Variants in RIT2 observed in about 807,000 individuals in gnomAD.
The protein encoded by RIT2 is Ras like without CAAX 2.
A neutral mutation model predicts 23.7 loss-of-function variants in RIT2; 24 were observed. The observed-to-expected ratio is 1.01, with a 90% confidence interval of 0.73 to 1.43. The LOEUF is 1.43. RIT2 is among the 40% of genes most tolerant of loss of function. The pLI, the probability that RIT2 is intolerant of heterozygous loss-of-function variation, is 0.00. For synonymous variants in RIT2, 107 were observed against 91.1 expected (o/e 1.17, Z -0.99); for missense variants, 236 against 266.9 (o/e 0.88, Z 0.81).
chr18:43,054,466 T>C (rs546369512), intron 1 of RIT2, among the ~76,000 whole-genome samples: 9 of 152,212 alleles, frequency 5.9e-5, no homozygotes, highest in Non-Finnish European at 1.2e-4. Context: ...AGGTGGTCTA[T>C]ATGGACTCAA....
At chr18:42,936,272 T>C (rs1450823125) in intron 3 of RIT2, among the ~76,000 whole-genome samples, 1 of 152,168 alleles carries the variant, frequency 6.6e-6, no homozygotes, top group Non-Finnish European at 1.5e-5. Context: ...ACAAACATTC[T>C]GTATCACAGT....
chr18:42,795,062 G>A (rs571856458), intron 4 of RIT2, among the ~76,000 whole-genome samples: 184 of 152,194 alleles, frequency 1.2e-3, no homozygotes, highest in Non-Finnish European at 2.4e-3. Context: ...GCTCCTGGTC[G>A]CACTGAGAGG....
intron 2 of RIT2, among the ~76,000 whole-genome samples, chr18:42,976,849 A>C (rs1258707175): frequency 6.6e-6 from 1 of 152,076 alleles, no homozygotes; most frequent in Non-Finnish European, 1.5e-5. Flanking sequence ...AATTCAGGTG[A>C]GAAATAATGT....
At chr18:42,935,151 G>C (rs1376271496) in intron 3 of RIT2, among the ~76,000 whole-genome samples, 1 of 152,126 alleles carries the variant, frequency 6.6e-6, no homozygotes, top group African/African-American at 2.4e-5. Flanking sequence ...ATCAGTTACT[G>C]CCTTTACCAC....
intron 4 of RIT2, among the ~76,000 whole-genome samples, chr18:42,778,688 C>A (rs982163273): frequency 1.0e-4 from 8 of 77,052 alleles, no homozygotes; most frequent in African/African-American, 2.3e-4. Flanking sequence ...TGCCTGTATC[C>A]TTTCTCGAGT....
chr18:42,934,225 C>G (rs563154117), intron 3 of RIT2, among the ~76,000 whole-genome samples: 2 of 152,000 alleles, frequency 1.3e-5, no homozygotes, highest in Non-Finnish European at 2.9e-5. Context: ...AGTAACTGTG[C>G]TCAATCAAAT....
chr18:42,896,055 G>A (rs1908320404), intron 4 of RIT2, among the ~76,000 whole-genome samples: 1 of 152,196 alleles, frequency 6.6e-6, no homozygotes, highest in African/African-American at 2.4e-5. Flanking sequence ...CCTGAGGTCA[G>A]GAGTTCGAGA....
intron 1 of RIT2, among the ~76,000 whole-genome samples, chr18:43,048,584 A>G (rs1466393026): frequency 6.6e-6 from 1 of 152,206 alleles, no homozygotes. Context: ...AAGTGAAACA[A>G]TATATGTAAA....
intron 4 of RIT2, among the ~76,000 whole-genome samples, chr18:42,809,786 C>T (rs1202012823): frequency 6.9e-6 from 1 of 144,960 alleles, no homozygotes; most frequent in East Asian, 2.0e-4. Flanking sequence ...GATAAATATC[C>T]CAAGTAAACT....
At chr18:42,987,364 G>C (rs576687211) in intron 2 of RIT2, among the ~76,000 whole-genome samples, 1 of 152,182 alleles carries the variant, frequency 6.6e-6, no homozygotes, top group Admixed American at 6.5e-5. Flanking sequence ...CATTGCCATG[G>C]GAAAAATATT....
intron 4 of RIT2, among the ~76,000 whole-genome samples, chr18:42,841,121 G>A (rs1475921669): frequency 2.0e-5 from 3 of 152,154 alleles, no homozygotes; most frequent in East Asian, 3.9e-4. Context: ...GAAAGAAAAT[G>A]AGAAAGAATG....
chr18:42,967,690 C>T (rs933124316), intron 3 of RIT2, among the ~76,000 whole-genome samples: 1 of 151,056 alleles, frequency 6.6e-6, no homozygotes, highest in Admixed American at 6.6e-5. Context: ...CACACCTGGC[C>T]AAAAGTTTTT....
chr18:42,837,101 G>GAATATCAT (rs1054554502), intron 4 of RIT2, among the ~76,000 whole-genome samples: 5 of 136,570 alleles, frequency 3.7e-5, no homozygotes, highest in African/African-American at 1.1e-4. Flanking sequence ...TTATGCCCTT[G>GAATATCAT]AATATCATAG....
At chr18:43,035,048 G>A (rs1202783509) in intron 1 of RIT2, among the ~76,000 whole-genome samples, 1 of 152,160 alleles carries the variant, frequency 6.6e-6, no homozygotes, top group Non-Finnish European at 1.5e-5. Context: ...GCTTTAACTA[G>A]TGTCCAGCTC....
At chr18:43,025,795 T>C (rs1449450523) in intron 2 of RIT2, among the ~76,000 whole-genome samples, 1 of 151,930 alleles carries the variant, frequency 6.6e-6, no homozygotes, top group Non-Finnish European at 1.5e-5. Context: ...CACATGAACA[T>C]AAAGAGTGTG....
At chr18:42,774,766 G>A (rs1266279100) in intron 4 of RIT2, among the ~76,000 whole-genome samples, 4 of 151,472 alleles carry the variant, frequency 2.6e-5, no homozygotes, top group Non-Finnish European at 1.5e-5. Context: ...TCTTATCTTA[G>A]TTTTCCCAAA....
chr18:42,871,859 C>T (rs993015512), intron 4 of RIT2, among the ~76,000 whole-genome samples: 1 of 152,124 alleles, frequency 6.6e-6, no homozygotes, highest in African/African-American at 2.4e-5. Flanking sequence ...CTCTAAGTAA[C>T]AAGACTTATT....
chr18:43,102,612 G>T (rs185582336), intron 1 of RIT2, among the ~76,000 whole-genome samples: 1 of 151,594 alleles, frequency 6.6e-6, no homozygotes, highest in Admixed American at 6.6e-5. Context: ...CTGTCTGCTG[G>T]TGCATGCTCA....
At chr18:43,085,610 T>C (rs973553359) in intron 1 of RIT2, among the ~76,000 whole-genome samples, 3 of 152,186 alleles carry the variant, frequency 2.0e-5, no homozygotes, top group Admixed American at 2.0e-4. Flanking sequence ...TTTCTGTGTT[T>C]GGCTTATTTA....
Sources: gnomAD v4.1 joint callset for allele counts (sites outside exome capture counted in the v4.1 genomes callset) on GRCh38, gnomAD v4.1.1 for gene constraint, MANE v1.5 for transcripts, NCBI Gene and HGNC (gene_info 2026-07-23, HGNC 2026-07-21) for gene names.